Variants in GPC5 observed in about 807,000 individuals in gnomAD.
GPC5 encodes glypican-5.
Under a neutral mutation model 53.9 loss-of-function variants are expected in GPC5, and 47 were observed. That is an observed-to-expected ratio of 0.87 (90% CI 0.69 to 1.11). The LOEUF (loss-of-function observed/expected upper bound fraction) is 1.11, where lower values mean the gene tolerates loss of function less well. Ranked by LOEUF, GPC5 falls within the 50% of genes most tolerant of loss-of-function variation. The probability of loss-of-function intolerance (pLI) is 0.00; values close to 1 mark genes in which losing one functional copy is unlikely to be tolerated. For synonymous variants in GPC5, 286 were observed against 263.3 expected, an observed-to-expected ratio of 1.09 and a Z score of -0.84; for missense variants, 748 against 713.1, an observed-to-expected ratio of 1.05 and a Z score of -0.56.
chr13:92,182,333 C>G (rs867670577), intron 7 of GPC5, among the ~76,000 whole-genome samples: 11 of 152,318 alleles, frequency 7.2e-5, no homozygotes, highest in Middle Eastern at 3.4e-3. Context: ...AAAAAACGAT[C>G]TGTGACTTCA....
intron 7 of GPC5, among the ~76,000 whole-genome samples, chr13:92,789,418 G>A (rs939496680): frequency 2.0e-5 from 3 of 152,130 alleles, no homozygotes; most frequent in Non-Finnish European, 4.4e-5. Context: ...GTCATTTTGA[G>A]AAAACTGCTG....
At chr13:92,468,272 C>T (rs1878779053) in intron 7 of GPC5, among the ~76,000 whole-genome samples, 1 of 151,990 alleles carries the variant, frequency 6.6e-6, no homozygotes, top group South Asian at 2.1e-4. Flanking sequence ...AGCATACAAG[C>T]AGCATATTAC....
intron 7 of GPC5, among the ~76,000 whole-genome samples, chr13:92,505,638 T>C (rs1880339187): frequency 6.6e-6 from 1 of 152,070 alleles, no homozygotes; most frequent in Admixed American, 6.6e-5. Context: ...AACTTAGATT[T>C]ATACAAAACC....
intron 7 of GPC5, among the ~76,000 whole-genome samples, chr13:92,527,176 A>AAGAAAGAAAGAAAG (rs1566276803): frequency 1.2e-5 from 1 of 80,964 alleles, no homozygotes; most frequent in Non-Finnish European, 2.8e-5. Context: ...AAGAAAGAGA[A>AAGAAAGAAAGAAAG]AGAAAGAAGA....
At chr13:92,403,813 T>C (rs1875668263) in intron 7 of GPC5, among the ~76,000 whole-genome samples, 1 of 152,208 alleles carries the variant, frequency 6.6e-6, no homozygotes, top group African/African-American at 2.4e-5. Flanking sequence ...ACATTCTCCT[T>C]ATTGCTGATT....
intron 7 of GPC5, among the ~76,000 whole-genome samples, chr13:92,806,507 T>A (rs894654789): frequency 6.6e-6 from 1 of 152,128 alleles, no homozygotes. Context: ...TTCTGGCCTA[T>A]CATAGCTTTC....
At chr13:92,832,721 A>G (rs1259382450) in intron 7 of GPC5, among the ~76,000 whole-genome samples, 2 of 152,140 alleles carry the variant, frequency 1.3e-5, no homozygotes, top group Admixed American at 1.3e-4. Flanking sequence ...AATACCCACA[A>G]TTTTGGCCTG....
chr13:91,697,922 G>C (rs980184086), intron 3 of GPC5, among the ~76,000 whole-genome samples: 2 of 143,754 alleles, frequency 1.4e-5, no homozygotes, highest in African/African-American at 5.2e-5. Flanking sequence ...TTTTTTTTGA[G>C]ACGGAGTCTC....
chr13:91,966,025 C>A (rs2040177567), intron 6 of GPC5, among the ~76,000 whole-genome samples: 2 of 152,110 alleles, frequency 1.3e-5, no homozygotes, highest in African/African-American at 4.8e-5. Flanking sequence ...TAGAAACCAG[C>A]AATTTTCTTC....
At chr13:92,080,931 C>T (rs2041290021) in intron 6 of GPC5, among the ~76,000 whole-genome samples, 1 of 152,182 alleles carries the variant, frequency 6.6e-6, no homozygotes, top group African/African-American at 2.4e-5. Flanking sequence ...AGCGCTTGAG[C>T]ACAACTTATC....
chr13:92,691,782 T>A (rs935731024), intron 7 of GPC5, among the ~76,000 whole-genome samples: 8 of 152,070 alleles, frequency 5.3e-5, no homozygotes, highest in South Asian at 2.1e-4. Flanking sequence ...TTTTTTTTTT[T>A]TATACCTTAA....
intron 6 of GPC5, among the ~76,000 whole-genome samples, chr13:92,121,491 T>C (rs1462077012): frequency 1.3e-5 from 2 of 152,226 alleles, no homozygotes; most frequent in African/African-American, 4.8e-5. Context: ...GGTGATTTTA[T>C]CCTTTGTGGA....
At chr13:92,532,825 T>A (rs1881607710) in intron 7 of GPC5, among the ~76,000 whole-genome samples, 1 of 152,168 alleles carries the variant, frequency 6.6e-6, no homozygotes. Context: ...CTAATTTATT[T>A]GTAAAAAAGA....
At chr13:92,597,539 T>C (rs1245737271) in intron 7 of GPC5, among the ~76,000 whole-genome samples, 1 of 152,102 alleles carries the variant, frequency 6.6e-6, no homozygotes, top group Admixed American at 6.5e-5. Flanking sequence ...TTCTGGGTGG[T>C]GCGTGGAGGA....
intron 7 of GPC5, among the ~76,000 whole-genome samples, chr13:92,451,358 C>G (rs1380193527): frequency 5.9e-5 from 9 of 152,060 alleles, no homozygotes; most frequent in Non-Finnish European, 1.3e-4. Context: ...TCTAGGTCTA[C>G]TCAGGACATC....
intron 5 of GPC5, among the ~76,000 whole-genome samples, chr13:91,762,579 T>C (rs1442084848): frequency 4.9e-5 from 7 of 142,750 alleles, no homozygotes; most frequent in Non-Finnish European, 1.1e-4. Flanking sequence ...CAGTTTGTTT[T>C]CTATTTCTTT....
At chr13:91,818,041 T>C (rs1351772899) in intron 5 of GPC5, among the ~76,000 whole-genome samples, 3 of 152,182 alleles carry the variant, frequency 2.0e-5, no homozygotes, top group Non-Finnish European at 4.4e-5. Flanking sequence ...AAAGGGTATT[T>C]TAATAGTCTG....
Position 91,907,013 on chromosome 13 carries a change from TG to T in GPC5, c.1281-923del, listed in dbSNP as rs1256988756. On this transcript the variant is annotated intron_variant, in intron 5 of 7. Transcript: ENST00000377067. Reference sequence around the variant, plus strand: ...ATTTTATATATATATATATGCCACATGTGTGATCTGCTTGGAATACTGGAAG... The same window carrying T: ...ATTTTATATATATATATATGCCACATTGTGATCTGCTTGGAATACTGGAAG... Among the ~76,000 whole-genome samples, 3 of 149,922 alleles carry T rather than the reference TG, an allele frequency of 2.0e-5. No individual in the cohort carries two copies. In the East Asian group the frequency reaches 5.8e-4, roughly 29 times the overall value.
At chr13:92,665,517 G>C (rs1405818845) in intron 7 of GPC5, among the ~76,000 whole-genome samples, 1 of 151,964 alleles carries the variant, frequency 6.6e-6, no homozygotes, top group Non-Finnish European at 1.5e-5. Context: ...AAAAGACCTC[G>C]GCCATTATTT....
Sources: gnomAD v4.1 joint callset for allele counts (sites outside exome capture counted in the v4.1 genomes callset) on GRCh38, gnomAD v4.1.1 for gene constraint, MANE v1.5 for transcripts, NCBI Gene and HGNC (gene_info 2026-07-23, HGNC 2026-07-21) for gene names.